The following LAMB1 variants were observed in gnomAD, a reference collection of about 807,000 sequenced individuals.
LAMB1 encodes the protein laminin subunit beta-1.
A neutral mutation model predicts 222.3 loss-of-function variants in LAMB1; 121 were observed. That is an observed-to-expected ratio of 0.54 (90% CI 0.47 to 0.63). The LOEUF is 0.63. Among genes scored for constraint, LAMB1 ranks in the 30% least tolerant of loss-of-function variants. LAMB1 has a pLI of 0.00. For missense variants in LAMB1, 2,172 were observed against 2,240.8 expected, an observed-to-expected ratio of 0.97 and a Z score of 0.62; for synonymous variants, 794 against 807.2, an observed-to-expected ratio of 0.98 and a Z score of 0.28.
At chr7:107,990,762 C>T (rs944701387) in intron 5 of LAMB1, among the ~76,000 whole-genome samples, 1 of 152,156 alleles carries the variant, frequency 6.6e-6, no homozygotes, top group Non-Finnish European at 1.5e-5. Flanking sequence ...GGCAATGATC[C>T]TCAAAGGCAG....
intron 24 of LAMB1, among the ~76,000 whole-genome samples, chr7:107,944,082 C>T (rs557891866): frequency 1.3e-5 from 2 of 152,208 alleles, no homozygotes; most frequent in Non-Finnish European, 2.9e-5. Context: ...GTTGCATATG[C>T]TTATAGTTTG....
Position 107,962,998 on chromosome 7 carries a change from G to C in LAMB1, c.1764C>G (p.Phe588Leu), listed in dbSNP as rs34450895. ...AATAAGCCCCTTCAGGCACTCGGACGAAGCCGGCTCCAGTCCAGGAGGGAA... is the reference window on the plus strand; with the variant it reads ...AATAAGCCCCTTCAGGCACTCGGACCAAGCCGGCTCCAGTCCAGGAGGGAA... Reference protein sequence around the residue: ...DRIPSWTGAGFVRVPEGAYLE... With the variant: ...DRIPSWTGAGLVRVPEGAYLE... Residue 588 changes from phenylalanine to leucine, a missense_variant, in exon 15 of 34, where the codon TTC (phenylalanine) becomes TTG (leucine). Physicochemically the swap from Phe to Leu is conservative, Grantham distance 22. Transcript: ENST00000222399. 1.2e-6 allele frequency: 2 copies of C among 1,614,016 alleles called. No homozygotes were observed. Among genetic ancestry groups the C allele is most frequent in the Non-Finnish European group, 1.7e-6 (2 of 1,179,916 alleles).
intron 20 of LAMB1, among the ~76,000 whole-genome samples, chr7:107,958,508 T>A (rs1489994296): frequency 2.6e-5 from 4 of 152,178 alleles, no homozygotes; most frequent in Admixed American, 2.6e-4. Flanking sequence ...AAAACAAATA[T>A]CTTCGATAGG....
At position 107,923,980 on chromosome 7, in the gene LAMB1, T is replaced by C. The variant is rs138333734; in HGVS notation, c.5332A>G (p.Lys1778Glu). The C allele has an allele frequency of 1.2e-6, 2 of 1,609,858 alleles. No individual in the cohort carries two copies. Among genetic ancestry groups the C allele is most frequent in the African/African-American group, 2.7e-5 (2 of 74,638 alleles). ...VRSLLKDISQ[K>E]VAVYSTCL ...AAGCATGTGCTATACACAGCAACTT[T>C]CTGGCTTATATCCTTTAGGAGTGAA... The change falls in exon 34 of 34, where the codon AAA becomes GAA. Residue 1778 changes from lysine (K) to glutamate (E), a missense_variant. Coordinates refer to ENST00000222399, the MANE Select transcript of LAMB1 (RefSeq NM_002291.3).
At chr7:107,995,653 GGTCA>G (rs770106386) in intron 4 of LAMB1, among the ~76,000 whole-genome samples, 1 of 152,076 alleles carries the variant, frequency 6.6e-6, no homozygotes, top group East Asian at 1.9e-4. Context: ...TTGCCCTGAG[GGTCA>G]GTCAGTCTCA....
intron 21 of LAMB1, 122 bp downstream of exon 21, chr7:107,955,345 A>T: frequency 1.2e-6 from 1 of 851,158 alleles, no homozygotes; most frequent in Non-Finnish European, 1.7e-6. Context: ...TCTAATTTTT[A>T]ATTAAAAATT....
chr7:107,947,205 G>C (rs2033136395), intron 24 of LAMB1, among the ~76,000 whole-genome samples: 1 of 152,152 alleles, frequency 6.6e-6, no homozygotes, highest in Admixed American at 6.5e-5. Flanking sequence ...TCAACAATCT[G>C]TAAGTTGGAG....
intron 7 of LAMB1, among the ~76,000 whole-genome samples, chr7:107,984,321 TC>T (rs1195050298): frequency 1.3e-5 from 2 of 152,190 alleles, no homozygotes; most frequent in Non-Finnish European, 2.9e-5. Flanking sequence ...CGATCTTGGC[TC>T]CCTGCAACCT....
chr7:107,979,778 AT>A (rs1170753701), intron 8 of LAMB1, among the ~76,000 whole-genome samples: 1 of 152,198 alleles, frequency 6.6e-6, no homozygotes, highest in East Asian at 1.9e-4. Flanking sequence ...GTGGGTTAAA[AT>A]TTTCCAGCCG....
chr7:107,943,413 C>A (rs1316892629), intron 24 of LAMB1, among the ~76,000 whole-genome samples: 1 of 152,122 alleles, frequency 6.6e-6, no homozygotes, highest in African/African-American at 2.4e-5. Flanking sequence ...TTAGGAAGAA[C>A]TTAGATAACT....
In LAMB1 at chr7:107,960,451, C is replaced by T. The variant is rs778833262; in HGVS notation, c.2308G>A (p.Gly770Ser). The T allele has an allele frequency of 6.2e-7, 1 of 1,613,530 alleles. No homozygotes were observed. Among genetic ancestry groups the T allele is most frequent in the South Asian group, 1.1e-5 (1 of 91,068 alleles). ...GCTGCCCAGCAATACCTACCCAGGC[C>T]TGTCTGGTGTAACAGGGCAGAAATG... is the stretch of plus-strand genomic sequence containing the variant. Reference protein sequence around the residue: ...FSISALLHQTGLACECDPQGS... With the variant: ...FSISALLHQTSLACECDPQGS... The change falls in exon 18 of 34, where the codon GGC becomes AGC. Residue 770 changes from glycine (G) to serine (S), a missense_variant. Physicochemically the swap from Gly to Ser is moderately conservative, Grantham distance 56. Transcript: ENST00000222399.
chr7:107,973,014 G>A lies in LAMB1; in HGVS notation c.1540C>T (p.Leu514Phe). 6.2e-7 allele frequency: 1 copy of A among 1,613,878 alleles called. No individual in the cohort carries two copies. Among genetic ancestry groups the A allele is most frequent in the Non-Finnish European group, 8.5e-7 (1 of 1,179,794 alleles). ...LDGCRPCDCD[L>F]GGALNNSCFA... ...TACCTGTTGTTTAAGGCTCCCCCAA[G>A]GTCACAGTCACATGGTCGACATCCA... Residue 514 changes from leucine to phenylalanine, a missense_variant, in exon 13 of 34, where the codon CTT becomes TTT. Leu to Phe is a conservative substitution (Grantham distance 22). Transcript: ENST00000222399.
chr7:107,961,633 GGT>G lies in LAMB1; in HGVS notation c.1899_1900del (p.Pro634TrpfsTer11). On this transcript the variant is annotated frameshift_variant, in exon 16 of 34. Transcript: ENST00000222399. LOFTEE classifies it high-confidence loss of function. ...TCGGCTGCTGGTTGGAATCCTTCCA[GGT>G]CGCTGCACTGTGATGACAGCTTTTT... The G allele has an allele frequency of 6.2e-7, 1 of 1,614,144 alleles. No homozygotes were observed. Among genetic ancestry groups the G allele is most frequent in the Non-Finnish European group, 8.5e-7 (1 of 1,179,988 alleles).
chr7:108,002,159 C>T, intron 2 of LAMB1: 1 of 1,440,662 alleles, frequency 6.9e-7, no homozygotes, highest in Non-Finnish European at 9.2e-7. Context: ...ACGCGGCAGC[C>T]CGCGCATCCT....
chr7:107,947,983 C>CTTTTTTTTTTTTT (rs10630521), intron 24 of LAMB1, among the ~76,000 whole-genome samples: 1 of 117,256 alleles, frequency 8.5e-6, no homozygotes, highest in African/African-American at 3.3e-5. Context: ...TCTTCTTCTT[C>CTTTTTTTTTTTTT]TTTTTTTTTT....
At chr7:107,995,596 TTC>T (rs2034266912) in intron 4 of LAMB1, among the ~76,000 whole-genome samples, 1 of 152,216 alleles carries the variant, frequency 6.6e-6, no homozygotes, top group Admixed American at 6.5e-5. Flanking sequence ...TACTAACATC[TTC>T]TCTTTCAGGG....
Position 107,935,352 on chromosome 7 carries a change from T to TCTTTG in LAMB1, c.4188+62_4188+63insCAAAG. ...AAGATGGTTTGTTTTTCTTTGTTTT[T>TCTTTG]TTTTTTTTTTTTTTTTTTTTTGCTT... is the stretch of plus-strand genomic sequence containing the variant. On this transcript the variant is annotated intron_variant, in intron 27 of 33. Coordinates refer to ENST00000222399, the MANE Select transcript of LAMB1 (RefSeq NM_002291.3). 144 of 423,822 alleles carry TCTTTG rather than the reference T, an allele frequency of 3.4e-4. 1 individual carries two copies. Among genetic ancestry groups the TCTTTG allele is most frequent in the South Asian group, 2.2e-3 (32 of 14,744 alleles). The allele number at this position is 423,822 out of a possible 1,614,324, so 26.3% of individuals were successfully genotyped here. A position where few individuals can be genotyped will look rare whatever the true frequency, so the allele number is the denominator to read the frequency against.
In LAMB1 at chr7:107,952,178, C is replaced by A. The variant is rs2033270884; in HGVS notation, c.3125G>T (p.Gly1042Val). The A allele has an allele frequency of 1.9e-6, 3 of 1,613,192 alleles. No homozygotes were observed. The highest frequency in any genetic ancestry group is 2.5e-6 in the Non-Finnish European group (3 of 1,179,450). Residue 1042 changes from glycine (G) to valine (V), a missense_variant, in exon 23 of 34, where the codon GGC (glycine) becomes GTC (valine). Gly to Val is a moderately radical substitution (Grantham distance 109). Transcript: ENST00000222399. ...YLGTVQEHCN[G>V]SDCQCDKATG... ...GGCTTTGTCGCACTGGCAGTCAGAGCCGTTACAGTGCTCTTGCACGGTGCC... is the reference window on the plus strand; with the variant it reads ...GGCTTTGTCGCACTGGCAGTCAGAGACGTTACAGTGCTCTTGCACGGTGCC...
intron 5 of LAMB1, among the ~76,000 whole-genome samples, chr7:107,990,501 T>A (rs2034162348): frequency 6.6e-6 from 1 of 152,246 alleles, no homozygotes; most frequent in Non-Finnish European, 1.5e-5. Flanking sequence ...ATTTCACTAC[T>A]GTCAGTGGCT....
Sources: allele counts gnomAD v4.1 joint callset (sites outside exome capture counted in the v4.1 genomes callset), GRCh38; gene constraint gnomAD v4.1.1; transcripts MANE v1.5; gene names NCBI Gene and HGNC (gene_info 2026-07-23, HGNC 2026-07-21).